Variants in SOS1 observed in about 807,000 individuals in gnomAD.
SOS1 encodes son of sevenless homolog 1.
In SOS1, 25 loss-of-function variants were observed where a neutral mutation model predicts 157.6. The observed-to-expected ratio is 0.16, with a 90% CI of 0.12 to 0.22. The LOEUF (loss-of-function observed/expected upper bound fraction) is 0.22, where lower values mean the gene tolerates loss of function less well. Among genes scored for constraint, SOS1 ranks in the 10% least tolerant of loss-of-function variants. The pLI is 1.00. For missense variants in SOS1, 1,237 were observed against 1,599.1 expected (o/e 0.77, Z 3.86); for synonymous variants, 528 against 534.0 (o/e 0.99, Z 0.16).
At chr2:38,998,803 G>C (rs1016959655) in intron 17 of SOS1, among the ~76,000 whole-genome samples, 7 of 152,202 alleles carry the variant, frequency 4.6e-5, no homozygotes, top group African/African-American at 1.7e-4. Context: ...ATGCTTTGAG[G>C]AGAAAAAAGA....
intron 1 of SOS1, among the ~76,000 whole-genome samples, chr2:39,114,577 C>T (rs1262594424): frequency 6.6e-6 from 1 of 152,116 alleles, no homozygotes; most frequent in East Asian, 1.9e-4. Flanking sequence ...GCTGGGATTA[C>T]AGGCGTGAGC....
At chr2:39,122,447 T>TACACATACAC (rs1673923297), upstream of SOS1, among the ~76,000 whole-genome samples, 1 of 142,098 alleles carries the variant, frequency 7.0e-6, no homozygotes, top group African/African-American at 2.6e-5. Flanking sequence ...AAAAAAAATA[T>TACACATACAC]ACACACACAC....
At chr2:38,993,562 A>C (rs1345971046) in intron 20 of SOS1, 3 of 152,248 alleles carry the variant, frequency 2.0e-5, no homozygotes, top group Admixed American at 6.5e-5. Flanking sequence ...ACCAAATTTC[A>C]AAATAATATA....
intron 1 of SOS1, among the ~76,000 whole-genome samples, chr2:39,089,811 T>C (rs1450907239): frequency 1.3e-5 from 2 of 151,962 alleles, no homozygotes; most frequent in Admixed American, 1.3e-4. Context: ...AATCTCACTC[T>C]TTTTATTGAA....
intron 20 of SOS1, among the ~76,000 whole-genome samples, chr2:38,990,871 C>T (rs1416757455): frequency 6.6e-6 from 1 of 152,122 alleles, no homozygotes; most frequent in Non-Finnish European, 1.5e-5. Context: ...TTTACATGCA[C>T]TAATCAAGAA....
intron 1 of SOS1, among the ~76,000 whole-genome samples, chr2:39,102,186 C>T (rs1420038996): frequency 9.6e-6 from 1 of 103,832 alleles, no homozygotes; most frequent in Non-Finnish European, 1.8e-5. Context: ...GCCCGGGTGA[C>T]AGTGCGAGAC....
At chr2:38,998,975 A>G (rs1668995850) in intron 17 of SOS1, among the ~76,000 whole-genome samples, 1 of 152,232 alleles carries the variant, frequency 6.6e-6, no homozygotes, top group Non-Finnish European at 1.5e-5. Context: ...TGGCTACTAC[A>G]GTATAATTTG....
intron 1 of SOS1, among the ~76,000 whole-genome samples, chr2:39,068,382 C>A (rs189969653): frequency 6.6e-6 from 1 of 152,218 alleles, no homozygotes; most frequent in African/African-American, 2.4e-5. Context: ...TTGCCAGGAA[C>A]CAGTTAGAAC....
chr2:39,054,587 G>C (rs1025754898), intron 5 of SOS1, 27 bp downstream of exon 5: 1 of 1,263,266 alleles, frequency 7.9e-7, no homozygotes, highest in Admixed American at 1.7e-5. Context: ...CACATTCAAT[G>C]AGAGGCATAT....
upstream of SOS1, among the ~76,000 whole-genome samples, chr2:39,124,528 G>T (rs1232829085): frequency 1.3e-5 from 2 of 152,264 alleles, no homozygotes; most frequent in East Asian, 3.9e-4. Context: ...TGGCCCTTCA[G>T]TGTGCCCCCT....
intron 8 of SOS1, among the ~76,000 whole-genome samples, chr2:39,034,122 T>C (rs1361745391): frequency 6.6e-6 from 1 of 152,236 alleles, no homozygotes; most frequent in African/African-American, 2.4e-5. Context: ...AATGGTATGC[T>C]ATTGCTAAGA....
chr2:39,123,361 T>G (rs1177546246), upstream of SOS1, among the ~76,000 whole-genome samples: 2 of 151,882 alleles, frequency 1.3e-5, no homozygotes, highest in African/African-American at 4.8e-5. Context: ...ATCTTTTTTT[T>G]TTTTTTTTCT....
In SOS1 at chr2:39,120,454, G is replaced by T; in HGVS notation, c.-32C>A. 2 of 1,547,244 alleles carry T rather than the reference G, an allele frequency of 1.3e-6. No individual in the cohort carries two copies. Among genetic ancestry groups the T allele is most frequent in the Non-Finnish European group, 1.7e-6 (2 of 1,148,900 alleles). ...CCCGGGGCGCCTCTGGGCGGGGAGA[G>T]GGGCGGCGGCGGCCGGGCCAGGGAG... On this transcript the variant is annotated 5_prime_UTR_variant, in exon 1 of 23. Transcript: ENST00000402219.
chr2:39,058,562 G>C (rs1671294274), intron 3 of SOS1, 111 bp downstream of exon 3: 1 of 1,167,644 alleles, frequency 8.6e-7, no homozygotes, highest in African/African-American at 1.6e-5. Context: ...TAGAATGAGA[G>C]AATTTTACTC....
chr2:39,003,066 C>G (rs201778327), intron 17 of SOS1, among the ~76,000 whole-genome samples: 2 of 72,308 alleles, frequency 2.8e-5, no homozygotes, highest in Non-Finnish European at 3.3e-5. Context: ...GACCTTGTAT[C>G]AAAAAAAAAA....
chr2:39,077,388 G>A (rs1399168241), intron 1 of SOS1, among the ~76,000 whole-genome samples: 1 of 151,380 alleles, frequency 6.6e-6, no homozygotes, highest in East Asian at 1.9e-4. Context: ...ATGACATTTA[G>A]AAGACCTTAA....
chr2:38,991,011 T>G (rs980110291), intron 20 of SOS1, among the ~76,000 whole-genome samples: 2 of 152,082 alleles, frequency 1.3e-5, no homozygotes, highest in African/African-American at 4.8e-5. Flanking sequence ...AGACAAATGG[T>G]CCTCAATCTT....
chr2:39,023,060 T>G lies in SOS1; in HGVS notation c.1368A>C (p.Lys456Asn). The G allele has an allele frequency of 6.2e-7, 1 of 1,613,852 alleles. No homozygotes were observed. Among genetic ancestry groups the G allele is most frequent in the Non-Finnish European group, 8.5e-7 (1 of 1,179,788 alleles). ...MEGTLTRVGAKHERHIFLFDG... is the reference protein window; with the variant it reads ...MEGTLTRVGANHERHIFLFDG... ...CAAAGAGAAATATGTGTCTCTCATG[T>G]TTGGCTCCTACACGTGTAAGAGTTC... is the stretch of plus-strand genomic sequence containing the variant. The change falls in exon 10 of 23, where the codon AAA (lysine) becomes AAC (asparagine). Residue 456 changes from lysine (K) to asparagine (N), a missense_variant. Around this residue, in one of 15 missense-constraint regions of SOS1, gnomAD observed 210 missense variants for 220.2 expected, o/e 0.95. Transcript: ENST00000402219.
At chr2:39,010,562 T>C in intron 15 of SOS1, 22 bp downstream of exon 15, 2 of 1,603,500 alleles carry the variant, frequency 1.2e-6, no homozygotes, top group South Asian at 2.2e-5. Flanking sequence ...CTATAAAATA[T>C]AAGAATGCTA....
Sources: gnomAD v4.1 joint callset for allele counts (sites outside exome capture counted in the v4.1 genomes callset) on GRCh38, gnomAD v4.1.1 for gene constraint, gnomAD v4.1.1 regional missense constraint, MANE v1.5 for transcripts, NCBI Gene and HGNC (gene_info 2026-07-23, HGNC 2026-07-21) for gene names.